Variants in TSHZ2 observed in about 807,000 individuals in gnomAD.
TSHZ2 encodes the protein teashirt zinc finger homeobox 2, also known as teashirt homolog 2.
Under a neutral mutation model 74.4 loss-of-function variants are expected in TSHZ2, and 21 were observed. That is an observed-to-expected ratio of 0.28 (90% CI 0.20 to 0.41). The LOEUF is 0.41. Ranked by LOEUF, TSHZ2 falls within the 10% of genes least tolerant of loss-of-function variation. The probability of loss-of-function intolerance (pLI) is 1.00; values close to 1 mark genes in which losing one functional copy is unlikely to be tolerated. For synonymous variants in TSHZ2, 540 were observed against 515.3 expected (o/e 1.05, Z -0.65); for missense variants, 1,244 against 1,293.5 (o/e 0.96, Z 0.59).
At chr20:53,457,285 G>A (rs1210963089) in intron 2 of TSHZ2, among the ~76,000 whole-genome samples, 1 of 141,658 alleles carries the variant, frequency 7.1e-6, no homozygotes, top group Non-Finnish European at 1.5e-5. Context: ...TCCCTTGTAA[G>A]TTGGATTCCT....
intron 1 of TSHZ2, among the ~76,000 whole-genome samples, chr20:53,029,872 C>A (rs901101313): frequency 9.2e-5 from 14 of 151,932 alleles, no homozygotes; most frequent in African/African-American, 3.1e-4. Context: ...TGATATCTCC[C>A]AATTTTTTTC....
At chr20:53,438,452 C>A (rs16998100) in intron 2 of TSHZ2, among the ~76,000 whole-genome samples, 1 of 152,128 alleles carries the variant, frequency 6.6e-6, no homozygotes, top group African/African-American at 2.4e-5. Flanking sequence ...CAAGTTGAGC[C>A]GTCATAATAA....
chr20:53,310,458 C>T (rs1037104143), intron 2 of TSHZ2, among the ~76,000 whole-genome samples: 1 of 152,212 alleles, frequency 6.6e-6, no homozygotes, highest in African/African-American at 2.4e-5. Flanking sequence ...TTTATTATTT[C>T]ACAGTTTCTG....
chr20:53,056,829 A>T (rs914777928), intron 1 of TSHZ2, among the ~76,000 whole-genome samples: 4 of 152,098 alleles, frequency 2.6e-5, no homozygotes, highest in African/African-American at 9.7e-5. Flanking sequence ...TCTGTGACTT[A>T]GAATCTCTAG....
At chr20:53,475,174 T>G (rs1568934629) in intron 2 of TSHZ2, among the ~76,000 whole-genome samples, 8 of 140,400 alleles carry the variant, frequency 5.7e-5, no homozygotes, top group Admixed American at 4.3e-4. Context: ...GACATCTACA[T>G]AACTCTCCAC....
chr20:53,462,938 G>A (rs1371877925), intron 2 of TSHZ2, among the ~76,000 whole-genome samples: 2 of 152,146 alleles, frequency 1.3e-5, no homozygotes, highest in South Asian at 2.1e-4. Flanking sequence ...TCTGCATAAT[G>A]GTCATGCTGA....
intron 2 of TSHZ2, among the ~76,000 whole-genome samples, chr20:53,475,928 C>G (rs1473022944): frequency 8.2e-6 from 1 of 121,632 alleles, no homozygotes; most frequent in South Asian, 3.0e-4. Context: ...ATAAATTCCT[C>G]GACACATACA....
intron 2 of TSHZ2, among the ~76,000 whole-genome samples, chr20:53,340,847 C>A (rs927372654): frequency 6.6e-6 from 1 of 152,202 alleles, no homozygotes; most frequent in South Asian, 2.1e-4. Context: ...GGGAGAGGGA[C>A]AAAGGTGGGG....
chr20:53,331,079 A>T (rs917892345), intron 2 of TSHZ2, among the ~76,000 whole-genome samples: 4 of 152,238 alleles, frequency 2.6e-5, no homozygotes, highest in African/African-American at 9.6e-5. Context: ...CCAGGTGTCT[A>T]TGCGGGATTT....
intron 2 of TSHZ2, among the ~76,000 whole-genome samples, chr20:53,279,191 G>A (rs538270763): frequency 2.6e-5 from 4 of 152,274 alleles, no homozygotes; most frequent in Middle Eastern, 6.8e-3. Flanking sequence ...CTTTCTCAGA[G>A]GTGGCAGAGG....
At chr20:53,146,828 A>G (rs943417950) in intron 1 of TSHZ2, among the ~76,000 whole-genome samples, 2 of 152,212 alleles carry the variant, frequency 1.3e-5, no homozygotes, top group Non-Finnish European at 2.9e-5. Context: ...GCAGGGAGGT[A>G]GAGGAGCGAG....
At chr20:53,003,508 G>C (rs1982522005) in intron 1 of TSHZ2, among the ~76,000 whole-genome samples, 1 of 152,102 alleles carries the variant, frequency 6.6e-6, no homozygotes, top group Non-Finnish European at 1.5e-5. Context: ...AAATGTGTCA[G>C]CCCTATGGAG....
At chr20:53,354,619 G>A (rs1004923767) in intron 2 of TSHZ2, among the ~76,000 whole-genome samples, 1 of 152,158 alleles carries the variant, frequency 6.6e-6, no homozygotes, top group East Asian at 1.9e-4. Flanking sequence ...TATATGTCTT[G>A]CCTGATTTTT....
At position 53,254,455 on chromosome 20, in the gene TSHZ2, C is replaced by T. The variant is rs145742129; in HGVS notation, c.997C>T (p.Pro333Ser). ...RVFDVNRPCS[P>S]DSTTGSFADS... ...TTTTGATGTCAATCGGCCGTGTTCCCCCGATTCAACCACAGGATCTTTTGC... is the reference window on the plus strand; with the variant it reads ...TTTTGATGTCAATCGGCCGTGTTCCTCCGATTCAACCACAGGATCTTTTGC... Residue 333 changes from proline to serine, a missense_variant, in exon 2 of 3, where the codon CCC becomes TCC. Pro to Ser is a moderately conservative substitution (Grantham distance 74). Around this residue, in one of 6 missense-constraint regions of TSHZ2, gnomAD observed 470 missense variants for 456.5 expected, o/e 1.03. Transcript: ENST00000371497. 3.7e-6 allele frequency: 6 copies of T among 1,613,748 alleles called. No homozygotes were observed. In the African/African-American group the frequency reaches 4.0e-5, roughly 11 times the overall value.
At chr20:53,013,620 A>G (rs762626819) in intron 1 of TSHZ2, among the ~76,000 whole-genome samples, 23 of 152,204 alleles carry the variant, frequency 1.5e-4, no homozygotes, top group Non-Finnish European at 2.9e-4. Context: ...AATTATTAAT[A>G]TCATCCCTTT....
At chr20:53,136,422 T>C (rs1600707007) in intron 1 of TSHZ2, among the ~76,000 whole-genome samples, 1 of 150,796 alleles carries the variant, frequency 6.6e-6, no homozygotes, top group Non-Finnish European at 1.5e-5. Flanking sequence ...TGAGCTTACA[T>C]GGCAGATGGA....
intron 1 of TSHZ2, among the ~76,000 whole-genome samples, chr20:52,979,679 A>G (rs1981485948): frequency 6.6e-6 from 1 of 152,078 alleles, no homozygotes; most frequent in African/African-American, 2.4e-5. Flanking sequence ...GCCTCCCTCA[A>G]TTTTTTACGT....
At chr20:53,043,637 A>T (rs1260617799) in intron 1 of TSHZ2, among the ~76,000 whole-genome samples, 2 of 152,160 alleles carry the variant, frequency 1.3e-5, no homozygotes, top group African/African-American at 4.8e-5. Flanking sequence ...CAAAGTCACA[A>T]CTTTAATACT....
chr20:53,423,832 A>G (rs985033696), intron 2 of TSHZ2, among the ~76,000 whole-genome samples: 1 of 152,212 alleles, frequency 6.6e-6, no homozygotes, highest in Non-Finnish European at 1.5e-5. Flanking sequence ...GTTTAAACCA[A>G]TGGTTCTCAA....
Sources: gnomAD v4.1 joint callset for allele counts (sites outside exome capture counted in the v4.1 genomes callset) on GRCh38, gnomAD v4.1.1 for gene constraint, gnomAD v4.1.1 regional missense constraint, MANE v1.5 for transcripts, NCBI Gene and HGNC (gene_info 2026-07-23, HGNC 2026-07-21) for gene names.